TCHP: variants seen among roughly 807,000 people sequenced by gnomAD.
TCHP encodes trichoplein keratin filament-binding protein.
Under a neutral mutation model 88.7 loss-of-function variants are expected in TCHP, and 81 were observed. The ratio of observed to expected loss-of-function variants is 0.91; its 90% CI spans 0.76 to 1.10. The LOEUF (loss-of-function observed/expected upper bound fraction) is 1.10, where lower values mean the gene tolerates loss of function less well. Among genes scored for constraint, TCHP ranks in the 50% least tolerant of loss-of-function variants. The probability of loss-of-function intolerance (pLI) is 0.00; values close to 1 mark genes in which losing one functional copy is unlikely to be tolerated. For synonymous variants in TCHP, 232 were observed against 232.5 expected (o/e 1.00, Z 0.02); for missense variants, 641 against 632.1 (o/e 1.01, Z -0.15).
At chr12:109,912,419 C>G (rs1592913514) in intron 9 of TCHP, among the ~76,000 whole-genome samples, 1 of 152,202 alleles carries the variant, frequency 6.6e-6, no homozygotes, top group African/African-American at 2.4e-5. Context: ...TCATTCATCT[C>G]TGTGTTAAAC....
chr12:109,914,804 C>T (rs1870708671), intron 11 of TCHP, 177 bp downstream of exon 11: 2 of 571,422 alleles, frequency 3.5e-6, no homozygotes, highest in South Asian at 2.0e-5. Flanking sequence ...TTCTTTCCCT[C>T]CACATCCTCC....
the TCHP span, among the ~76,000 whole-genome samples, chr12:109,890,361 C>T: frequency 6.6e-6 from 1 of 151,226 alleles, no homozygotes; most frequent in South Asian, 2.1e-4. Context: ...GTCCCAGCTA[C>T]TCAGGAGGCT....
Position 109,914,524 on chromosome 12 carries a change from A to G in TCHP, c.1217A>G (p.Glu406Gly), listed in dbSNP as rs1203566940. The change falls in exon 11 of 13, where the codon GAG (glutamate) becomes GGG (glycine). Residue 406 changes from glutamate to glycine, a missense_variant. Coordinates refer to ENST00000405876, the MANE Select transcript of TCHP (RefSeq NM_001143852.2). ...CAAGAGGAATCCCTGAAACACAGGGAGCAACTTATTCGAAATCTTGAGGAG... is the reference window on the plus strand; with the variant it reads ...CAAGAGGAATCCCTGAAACACAGGGGGCAACTTATTCGAAATCTTGAGGAG... ...RAQEESLKHREQLIRNLEEVR... is the reference protein window; with the variant it reads ...RAQEESLKHRGQLIRNLEEVR... 6.2e-7 allele frequency: 1 copy of G among 1,614,198 alleles called. No individual in the cohort carries two copies. The highest frequency in any genetic ancestry group is 2.2e-5 in the East Asian group (1 of 44,890).
chr12:109,912,929 C>T lies in TCHP; in HGVS notation c.1053-62C>T, dbSNP rs115597143. On this transcript the variant is annotated intron_variant, in intron 9 of 12. Transcript: ENST00000405876. ...ATGTGCCCTGCAGCCCTGTCTGTTCCGTAGCTCGCTTCCTGCCAGGGCGGG... is the reference window on the plus strand; with the variant it reads ...ATGTGCCCTGCAGCCCTGTCTGTTCTGTAGCTCGCTTCCTGCCAGGGCGGG... The T allele has an allele frequency of 2.4e-3, 3,488 of 1,440,888 alleles. 87 individuals are homozygous for T. In the African/African-American group the frequency reaches 0.043, roughly 18 times the overall value. The allele number at this position is 1,440,888 out of a possible 1,614,324, so 89.3% of individuals were successfully genotyped here. A position where few individuals can be genotyped will look rare whatever the true frequency, so the allele number is the denominator to read the frequency against.
intron 5 of TCHP, 22 bp from the exon 6 acceptor site, chr12:109,907,504 G>A: frequency 1.3e-6 from 2 of 1,597,310 alleles, no homozygotes; most frequent in Non-Finnish European, 1.7e-6. Flanking sequence ...ATATTGACCT[G>A]TGTTCATTTG....
the TCHP span, among the ~76,000 whole-genome samples, chr12:109,884,616 C>T: frequency 2.8e-4 from 43 of 152,312 alleles, no homozygotes; most frequent in Non-Finnish European, 5.7e-4. Flanking sequence ...AAACTAGATC[C>T]GTAGGTAAAA....
the TCHP span, among the ~76,000 whole-genome samples, chr12:109,891,175 C>T: frequency 3.3e-5 from 5 of 152,296 alleles, no homozygotes; most frequent in South Asian, 1.0e-3. Context: ...CATGGGAACA[C>T]TTAGGTTTAA....
intron 4 of TCHP, among the ~76,000 whole-genome samples, chr12:109,906,223 A>G (rs1385664184): frequency 6.6e-6 from 1 of 152,224 alleles, no homozygotes; most frequent in East Asian, 1.9e-4. Context: ...GCTGTCTCCC[A>G]GGGCCTGGCA....
chr12:109,911,145 T>C lies in TCHP; in HGVS notation c.962T>C (p.Val321Ala). 1.3e-6 allele frequency: 2 copies of C among 1,597,108 alleles called. No homozygotes were observed. Among genetic ancestry groups the C allele is most frequent in the South Asian group, 2.3e-5 (2 of 87,994 alleles). ...QRLHLARREQ[V>A]MADVAWMKQA... Reference sequence around the variant, plus strand: ...CTCCACCTGGCCAGGCGGGAGCAGGTCATGGCCGATGTGGCCTGGATGAAG... The same window carrying C: ...CTCCACCTGGCCAGGCGGGAGCAGGCCATGGCCGATGTGGCCTGGATGAAG... The change falls in exon 9 of 13, where the codon GTC becomes GCC. Residue 321 changes from valine (V) to alanine (A), a missense_variant. Physicochemically the swap from Val to Ala is moderately conservative, Grantham distance 64. Transcript: ENST00000405876.
chr12:109,898,714 T>C (rs1053643985), upstream of TCHP, among the ~76,000 whole-genome samples: 6 of 152,136 alleles, frequency 3.9e-5, no homozygotes, highest in Non-Finnish European at 8.8e-5. Context: ...TGCAGCCTCC[T>C]TGTCCTGAGC....
chr12:109,907,714 C>A lies in TCHP; in HGVS notation c.699+15C>A, dbSNP rs575905260. On this transcript the variant is annotated intron_variant, in intron 6 of 12. Transcript: ENST00000405876. ...AGGAGGTGGAGGTGGGCACAAGCCCCTCTCAGCCGTGACCTCCTCCACAGC... is the reference window on the plus strand; with the variant it reads ...AGGAGGTGGAGGTGGGCACAAGCCCATCTCAGCCGTGACCTCCTCCACAGC... 5 of 1,580,440 alleles carry A rather than the reference C, an allele frequency of 3.2e-6. No homozygotes were observed. The South Asian group carries it at 5.7e-5, about 18-fold the overall frequency.
chr12:109,893,587 C>G, the TCHP span, among the ~76,000 whole-genome samples: 1 of 152,092 alleles, frequency 6.6e-6, no homozygotes, highest in Non-Finnish European at 1.5e-5. Flanking sequence ...TGTCCTTCTC[C>G]CAGGAAACAT....
chr12:109,902,862 G>T (rs1869882175), intron 1 of TCHP, among the ~76,000 whole-genome samples, 165 bp from the exon 2 acceptor site: 1 of 152,192 alleles, frequency 6.6e-6, no homozygotes, highest in African/African-American at 2.4e-5. Context: ...TTAGTTTGGA[G>T]TGGGGCTCAG....
the TCHP span, among the ~76,000 whole-genome samples, chr12:109,887,046 A>G: frequency 2.0e-5 from 3 of 152,096 alleles, no homozygotes; most frequent in African/African-American, 7.2e-5. Context: ...CTTCTCCTAG[A>G]TTCACTCAGT....
chr12:109,905,546 G>C lies in TCHP; in HGVS notation c.456+753G>C, dbSNP rs1165056476. 6.6e-6 allele frequency among the ~76,000 whole-genome samples: 1 copy of C among 152,242 alleles called. No homozygotes were observed. The highest frequency in any genetic ancestry group is 1.5e-5 in the Non-Finnish European group (1 of 68,044). On this transcript the variant is annotated intron_variant, in intron 4 of 12. Transcript: ENST00000405876. This position sits in a 1 kb window ranked among gnomAD's most constrained non-coding sequence, Gnocchi z 4.0. ...AGGCCTGAACTGGGCTGGCAGGGGA[G>C]GGGGTGGCCTCTTGGCTTGGTGGCC...
chr12:109,887,371 G>A, the TCHP span, among the ~76,000 whole-genome samples: 3 of 143,568 alleles, frequency 2.1e-5, no homozygotes, highest in Admixed American at 1.4e-4. Flanking sequence ...GCAGTGAGCC[G>A]AGATCGCACC....
intron 9 of TCHP, among the ~76,000 whole-genome samples, chr12:109,912,013 C>G (rs1870527707): frequency 6.6e-6 from 1 of 152,098 alleles, no homozygotes; most frequent in Non-Finnish European, 1.5e-5. Flanking sequence ...CCAGGCTGGT[C>G]TTGAACTCCT....
upstream of TCHP, among the ~76,000 whole-genome samples, chr12:109,896,714 C>T (rs918399277): frequency 6.6e-6 from 1 of 151,918 alleles, no homozygotes; most frequent in Non-Finnish European, 1.5e-5. Flanking sequence ...AGTTCAAGAC[C>T]AGCCTGGGCA....
At position 109,904,781 on chromosome 12, in the gene TCHP, G is replaced by GA. The variant is rs1870029210; in HGVS notation, c.447dup (p.Leu150ThrfsTer39). On this transcript the variant is annotated frameshift_variant, in exon 4 of 13. Coordinates refer to ENST00000405876, the MANE Select transcript of TCHP (RefSeq NM_001143852.2). LOFTEE classifies it high-confidence loss of function. ...ACGAACACTGGAAAAAGAACAACCC[G>GA]AAACTTCGAGAGGTGAAAATCAGAG... The GA allele has an allele frequency of 9.9e-6, 16 of 1,613,136 alleles. No individual in the cohort carries two copies. Among genetic ancestry groups the GA allele is most frequent in the Non-Finnish European group, 1.4e-5 (16 of 1,179,700 alleles).
Sources: allele counts gnomAD v4.1 joint callset (sites outside exome capture counted in the v4.1 genomes callset), GRCh38; gene constraint gnomAD v4.1.1; non-coding constraint Gnocchi (gnomAD v3.1); transcripts MANE v1.5; gene names NCBI Gene and HGNC (gene_info 2026-07-23, HGNC 2026-07-21).